Variants in ITGA8 observed in about 807,000 individuals in gnomAD.
ITGA8 encodes integrin alpha-8.
ITGA8 carries 91 observed loss-of-function variants against 142.3 expected under a neutral mutation model. That is an observed-to-expected ratio of 0.64 (90% CI 0.54 to 0.76). The LOEUF (loss-of-function observed/expected upper bound fraction) is 0.76, where lower values mean the gene tolerates loss of function less well. Ranked by LOEUF, ITGA8 falls within the 30% of genes least tolerant of loss-of-function variation. ITGA8 has a pLI of 0.00. For synonymous variants in ITGA8, 505 were observed against 485.2 expected (o/e 1.04, Z -0.54); for missense variants, 1,406 against 1,327.7 (o/e 1.06, Z -0.92).
intron 11 of ITGA8, among the ~76,000 whole-genome samples, chr10:15,651,732 C>G (rs189032329): frequency 7.2e-5 from 11 of 152,256 alleles, no homozygotes; most frequent in African/African-American, 2.6e-4. Flanking sequence ...GTCCTCACTT[C>G]TGAACCATGA....
At chr10:15,521,823 T>C (rs1170583744) in intron 28 of ITGA8, among the ~76,000 whole-genome samples, 1 of 152,244 alleles carries the variant, frequency 6.6e-6, no homozygotes, top group African/African-American at 2.4e-5. Context: ...ACCTGGATGC[T>C]GCAGCCTAAG....
intron 16 of ITGA8, 57 bp downstream of exon 16, chr10:15,608,178 G>T: frequency 2.5e-6 from 3 of 1,196,428 alleles, no homozygotes; most frequent in Non-Finnish European, 3.7e-6. Flanking sequence ...CAGAGAAATG[G>T]TTACTGTTCA....
intron 25 of ITGA8, among the ~76,000 whole-genome samples, chr10:15,561,886 G>A (rs1239828343): frequency 1.3e-5 from 2 of 152,166 alleles, no homozygotes; most frequent in Non-Finnish European, 2.9e-5. Flanking sequence ...GGCTGGGGAG[G>A]CCTCAGGAAA....
Position 15,575,523 on chromosome 10 carries a change from T to G in ITGA8, c.2444A>C (p.Glu815Ala). 1.2e-6 allele frequency: 2 copies of G among 1,614,020 alleles called. 1 individual carries two copies. The highest frequency in any genetic ancestry group is 3.3e-4 in the Middle Eastern group (2 of 6,062). ...ATGTTCCACCAATGGTCCAACCTCC[T>G]CCTCTTTGTGGGGCTCCTCTTCTGG... ...WEPEEEPHKE[E>A]EVGPLVEHIY... The change falls in exon 24 of 30, where the codon GAG (glutamate) becomes GCG (alanine). Residue 815 changes from glutamate (E) to alanine (A), a missense_variant. Coordinates refer to ENST00000378076, the MANE Select transcript of ITGA8 (RefSeq NM_003638.3).
At position 15,667,196 on chromosome 10, in the gene ITGA8, G is replaced by T. The variant is rs554350527; in HGVS notation, c.847+4407C>A. Among the ~76,000 whole-genome samples, 243 of 152,192 alleles carry T rather than the reference G, an allele frequency of 1.6e-3. 2 individuals are homozygous for T. Among genetic ancestry groups the T allele is most frequent in the African/African-American group, 5.6e-3 (234 of 41,546 alleles). On this transcript the variant is annotated intron_variant, in intron 8 of 29. Transcript: ENST00000378076. ...TATTGATTATTGCCTCAATTTCAGAGCCTGTTATTGGTCTATTCAGAGATT... is the reference window on the plus strand; with the variant it reads ...TATTGATTATTGCCTCAATTTCAGATCCTGTTATTGGTCTATTCAGAGATT...
rs1564372307 is a variant in ITGA8 at position 15,608,301 on chromosome 10, T to C, written c.1554-11A>G. 2 of 1,562,746 alleles carry C rather than the reference T, an allele frequency of 1.3e-6. No homozygotes were observed. The stretch of plus-strand genomic sequence containing the variant: ...ACTCTTAAAGAAAAGCTATAGAAAA[T>C]AGTAGTAATTTATTGGTTAATAAAG... On this transcript the variant is annotated splice_polypyrimidine_tract_variant and intron_variant, in intron 15 of 29. Coordinates refer to ENST00000378076, the MANE Select transcript of ITGA8 (RefSeq NM_003638.3).
chr10:15,573,735 C>T (rs1834230985), intron 24 of ITGA8, among the ~76,000 whole-genome samples: 1 of 152,000 alleles, frequency 6.6e-6, no homozygotes. Context: ...GCATGAGTTA[C>T]ATAGGAAAGG....
chr10:15,586,812 G>A (rs187256773), intron 22 of ITGA8, 148 bp from the exon 23 acceptor site: 92 of 544,162 alleles, frequency 1.7e-4, no homozygotes, highest in African/African-American at 9.0e-4. Context: ...CTCCAAAATC[G>A]TAACCATTTG....
intron 2 of ITGA8, among the ~76,000 whole-genome samples, chr10:15,691,701 G>A (rs1031356959): frequency 6.6e-6 from 1 of 152,146 alleles, no homozygotes; most frequent in African/African-American, 2.4e-5. Flanking sequence ...AGGCTGGGGA[G>A]GGCAGAAGGG....
intron 13 of ITGA8, among the ~76,000 whole-genome samples, chr10:15,635,953 A>C (rs928817170): frequency 6.6e-6 from 1 of 151,882 alleles, no homozygotes; most frequent in African/African-American, 2.4e-5. Context: ...ACACACACAC[A>C]CACAGAGCAC....
chr10:15,595,137 C>A (rs1832991638), intron 21 of ITGA8, among the ~76,000 whole-genome samples: 1 of 152,098 alleles, frequency 6.6e-6, no homozygotes, highest in Admixed American at 6.5e-5. Context: ...AATGACTTTA[C>A]TATTTAAAAA....
intron 17 of ITGA8, among the ~76,000 whole-genome samples, chr10:15,607,378 C>T (rs933910731): frequency 6.6e-6 from 1 of 151,994 alleles, no homozygotes; most frequent in Non-Finnish European, 1.5e-5. Context: ...CTGTGTTGCA[C>T]TTTTATGTAT....
chr10:15,599,863 G>A (rs1833071033), intron 20 of ITGA8, among the ~76,000 whole-genome samples: 1 of 152,168 alleles, frequency 6.6e-6, no homozygotes, highest in South Asian at 2.1e-4. Context: ...AGAGGTTGCA[G>A]TGAGCTGAGA....
intron 6 of ITGA8, among the ~76,000 whole-genome samples, chr10:15,676,673 A>G (rs1834636957): frequency 6.6e-6 from 1 of 152,198 alleles, no homozygotes; most frequent in Admixed American, 6.5e-5. Flanking sequence ...TTGATGGAGA[A>G]ATGAATTGTT....
intron 27 of ITGA8, among the ~76,000 whole-genome samples, chr10:15,538,624 G>C (rs1403328337): frequency 6.6e-6 from 1 of 151,408 alleles, no homozygotes; most frequent in Non-Finnish European, 1.5e-5. Flanking sequence ...TTGTGCACAT[G>C]GTACCCTAAA....
chr10:15,556,999 C>T (rs760375154), intron 26 of ITGA8, among the ~76,000 whole-genome samples: 5 of 152,156 alleles, frequency 3.3e-5, no homozygotes, highest in Non-Finnish European at 7.4e-5. Flanking sequence ...GCCCTTGCCA[C>T]ATGGTCAGGG....
intron 8 of ITGA8, among the ~76,000 whole-genome samples, chr10:15,663,890 C>T (rs1005857922): frequency 6.6e-6 from 1 of 151,936 alleles, no homozygotes; most frequent in South Asian, 2.1e-4. Context: ...CTCCTAATGC[C>T]ACATTAAAAA....
chr10:15,650,840 T>C (rs1834071989), intron 11 of ITGA8, among the ~76,000 whole-genome samples: 1 of 152,218 alleles, frequency 6.6e-6, no homozygotes, highest in South Asian at 2.1e-4. Flanking sequence ...ATCAACCTAA[T>C]TGATAGGCAA....
chr10:15,549,881 C>A (rs118086102), intron 26 of ITGA8, among the ~76,000 whole-genome samples: 72 of 152,282 alleles, frequency 4.7e-4, no homozygotes, highest in Middle Eastern at 3.4e-3. Context: ...TGATAAATTG[C>A]GGTGAAGTTC....
Sources: gnomAD v4.1 joint callset for allele counts (sites outside exome capture counted in the v4.1 genomes callset) on GRCh38, gnomAD v4.1.1 for gene constraint, MANE v1.5 for transcripts, NCBI Gene and HGNC (gene_info 2026-07-23, HGNC 2026-07-21) for gene names.